Variants in HSP90B1 observed in about 807,000 individuals in gnomAD.
The protein encoded by HSP90B1 is heat shock protein 90 beta family member 1.
A neutral mutation model predicts 100.4 loss-of-function variants in HSP90B1; 27 were observed. The ratio of observed to expected loss-of-function variants is 0.27; its 90% confidence interval spans 0.20 to 0.37. HSP90B1 has a LOEUF of 0.37. Among genes scored for constraint, HSP90B1 ranks in the 10% least tolerant of loss-of-function variants. The probability of loss-of-function intolerance (pLI) is 1.00; values close to 1 mark genes in which losing one functional copy is unlikely to be tolerated. For synonymous variants in HSP90B1, 304 were observed against 330.8 expected, an observed-to-expected ratio of 0.92 and a Z score of 0.88; for missense variants, 678 against 960.5, an observed-to-expected ratio of 0.71 and a Z score of 3.89.
At chr12:103,940,975 T>C (rs1224766763) in intron 8 of HSP90B1, among the ~76,000 whole-genome samples, 1 of 152,172 alleles carries the variant, frequency 6.6e-6, no homozygotes, top group Non-Finnish European at 1.5e-5. Flanking sequence ...TACATCTTTG[T>C]AGCCACTCTT....
At chr12:103,942,349 C>T (rs1177457) in intron 11 of HSP90B1, among the ~76,000 whole-genome samples, 178 bp from the exon 12 acceptor site, 62,232 of 151,976 alleles carry the variant, frequency 0.41, 14,004 homozygotes, top group African/African-American at 0.59. Flanking sequence ...GCTATTTGCA[C>T]GGACAGCTGA....
Position 103,947,715 on chromosome 12 carries a change from T to G in HSP90B1, c.*53T>G, listed in dbSNP as rs202143765. On this transcript the variant is annotated 3_prime_UTR_variant, in exon 18 of 18. Transcript: ENST00000299767. ...GTGGAGAGGGAATGTGAAATTTACA[T>G]CATTTCTTTTTGGGAGAGACTTGTT... 2.7e-6 allele frequency: 4 copies of G among 1,467,780 alleles called. No homozygotes were observed. Among genetic ancestry groups the G allele is most frequent in the Non-Finnish European group, 3.8e-6 (4 of 1,047,216 alleles). 90.9% of individuals were successfully genotyped at this position (1,467,780 alleles called of 1,614,324 possible).
In HSP90B1 at chr12:103,943,732, C is replaced by A. The variant is rs1210530732; in HGVS notation, c.1891-6C>A. On this transcript the variant is annotated splice_polypyrimidine_tract_variant and splice_region_variant and intron_variant, in intron 13 of 17. Coordinates refer to ENST00000299767, the MANE Select transcript of HSP90B1 (RefSeq NM_003299.3). This position sits in a 1 kb window ranked among gnomAD's most constrained non-coding sequence, Gnocchi z 5.3. ...TAATTTATATGACTTGATTTCTTTC[C>A]CTAAGATTGAAAAGGCTGTGGTGTC... 6.2e-7 allele frequency: 1 copy of A among 1,610,504 alleles called. No homozygotes were observed. The highest frequency in any genetic ancestry group is 1.3e-5 in the African/African-American group (1 of 74,678).
rs1161213176 is a variant in HSP90B1 at position 103,942,721 on chromosome 12, C to T, written c.1569C>T (p.Ser523=). 4 of 1,613,670 alleles carry T rather than the reference C, an allele frequency of 2.5e-6. No individual in the cohort carries two copies. Among genetic ancestry groups the T allele is most frequent in the Non-Finnish European group, 3.4e-6 (4 of 1,179,624 alleles). Residue 523 remains serine, a synonymous_variant, in exon 12 of 18, where the codon AGC becomes AGT. Transcript: ENST00000299767. Reference sequence around the variant, plus strand: ...CTCATCATCCAACTGACATTACTAGCCTAGACCAGTATGTGGAAAGAATGA... The same window carrying T: ...CTCATCATCCAACTGACATTACTAGTCTAGACCAGTATGTGGAAAGAATGA... ...QSSHHPTDIT[S]LDQYVERMKE...
At position 103,944,006 on chromosome 12, in the gene HSP90B1, A is replaced by G. The variant is rs117577065; in HGVS notation, c.2027+132A>G. The G allele has an allele frequency of 7.1e-3, 5,224 of 737,794 alleles. 32 individuals are homozygous for G. The highest frequency in any genetic ancestry group is 9.4e-3 in the Non-Finnish European group (4,590 of 489,248). 45.7% of individuals were successfully genotyped at this position (737,794 alleles called of 1,614,324 possible). A position where few individuals can be genotyped will look rare whatever the true frequency, so the allele number is the denominator to read the frequency against. The stretch of plus-strand genomic sequence containing the variant: ...TACCACTGTCTACTATAAGGTAGAC[A>G]ACAAGTTTACGAAGGGATTTCTCCT... On this transcript the variant is annotated intron_variant, in intron 14 of 17. Coordinates refer to ENST00000299767, the MANE Select transcript of HSP90B1 (RefSeq NM_003299.3).
At chr12:103,932,684 T>C (rs1465077207) in intron 3 of HSP90B1, 142 bp from the exon 4 acceptor site, 1 of 677,564 alleles carries the variant, frequency 1.5e-6, no homozygotes, top group Non-Finnish European at 2.6e-6. Flanking sequence ...ACTTCTTGCA[T>C]TGCATACCTG....
At chr12:103,939,661 A>AGTATT (rs1255514190) in intron 8 of HSP90B1, 36 bp downstream of exon 8, 1 of 958,102 alleles carries the variant, frequency 1.0e-6, no homozygotes, top group Non-Finnish European at 1.6e-6. Flanking sequence ...CTGGTTATTA[A>AGTATT]TGAATAGACA....
At chr12:103,946,446 T>C (rs1566168577) in intron 14 of HSP90B1, among the ~76,000 whole-genome samples, 172 bp from the exon 15 acceptor site, 5 of 141,328 alleles carry the variant, frequency 3.5e-5, no homozygotes, top group African/African-American at 1.3e-4. Flanking sequence ...CTGTATTTAT[T>C]GGAAAAAAAA....
rs1235005436 is a variant in HSP90B1, at chr12:103,936,102, G to T, written c.744-1593G>T. On this transcript the variant is annotated intron_variant, in intron 5 of 17. Coordinates refer to ENST00000299767, the MANE Select transcript of HSP90B1 (RefSeq NM_003299.3). ...TCAGCCCTTTTCTCATTGTCCATGTGATCTTTATGTAGTCTTATCCACTGC... is the reference window on the plus strand; with the variant it reads ...TCAGCCCTTTTCTCATTGTCCATGTTATCTTTATGTAGTCTTATCCACTGC... Among the ~76,000 whole-genome samples the T allele has an allele frequency of 2.0e-5, 3 of 152,062 alleles. No homozygotes were observed. In the East Asian group the frequency reaches 5.8e-4, roughly 29 times the overall value.
chr12:103,933,925 T>C, intron 4 of HSP90B1, 31 bp from the exon 5 acceptor site: 1 of 1,550,164 alleles, frequency 6.5e-7, no homozygotes, highest in Non-Finnish European at 8.8e-7. Context: ...AAATATTAAA[T>C]ACAACTATCT....
At chr12:103,947,110 C>T (rs913815804) in intron 16 of HSP90B1, among the ~76,000 whole-genome samples, 169 bp downstream of exon 16, 5 of 152,216 alleles carry the variant, frequency 3.3e-5, no homozygotes, top group Non-Finnish European at 7.3e-5. Context: ...AGGCACTGCA[C>T]TAGAAACTAA....
chr12:103,947,379 C>T lies in HSP90B1; in HGVS notation c.2331C>T (p.Asp777=), dbSNP rs374034403. 3.3e-5 allele frequency: 53 copies of T among 1,609,138 alleles called. No homozygotes were observed. In the Admixed American group the frequency reaches 6.7e-4, roughly 20 times the overall value. ...ACACAACAGAAGACACAGAGCAAGACGAAGATGAAGAAATGGATGTGGGAA... is the reference window on the plus strand; with the variant it reads ...ACACAACAGAAGACACAGAGCAAGATGAAGATGAAGAAATGGATGTGGGAA... The part of the protein sequence containing the change: ...AEDTTEDTEQ[D]EDEEMDVGTD... The change falls in exon 17 of 18, where the codon GAC becomes GAT. Residue 777 remains aspartate (D), a synonymous_variant. Coordinates refer to ENST00000299767, the MANE Select transcript of HSP90B1 (RefSeq NM_003299.3).
At position 103,943,001 on chromosome 12, in the gene HSP90B1, C is replaced by A; in HGVS notation, c.1645-73C>A. 1 of 1,564,924 alleles carries A rather than the reference C, an allele frequency of 6.4e-7. No homozygotes were observed. Among genetic ancestry groups the A allele is most frequent in the Non-Finnish European group, 8.7e-7 (1 of 1,154,534 alleles). On this transcript the variant is annotated intron_variant, in intron 12 of 17. Transcript: ENST00000299767. The surrounding 1 kb of genome is among the most constrained non-coding windows in gnomAD (Gnocchi z 5.3). ...AATGGAGTTTTTAATAATGTATAAA[C>A]ATAGCAGCTGCTAGGATAAACAAAT...
At chr12:103,931,734 GTATTTAAA>G (rs1288456874) in intron 2 of HSP90B1, 111 bp downstream of exon 2, 1 of 775,908 alleles carries the variant, frequency 1.3e-6, no homozygotes, top group Non-Finnish European at 2.3e-6. Context: ...CTAACACCCT[GTATTTAAA>G]TACCCGGTGA....
At chr12:103,935,394 G>A (rs1028352860) in intron 5 of HSP90B1, among the ~76,000 whole-genome samples, 1 of 152,082 alleles carries the variant, frequency 6.6e-6, no homozygotes, top group African/African-American at 2.4e-5. Flanking sequence ...CTATTTCAGA[G>A]GTCAGTTGGC....
intron 8 of HSP90B1, among the ~76,000 whole-genome samples, chr12:103,941,112 G>A (rs1299070114): frequency 6.6e-6 from 1 of 152,114 alleles, no homozygotes; most frequent in Non-Finnish European, 1.5e-5. Context: ...TCTCTCATAC[G>A]TAAGAAGTAT....
Position 103,947,312 on chromosome 12 carries a change from T to C in HSP90B1, c.2264T>C (p.Val755Ala). The change falls in exon 17 of 18, where the codon GTG becomes GCG. Residue 755 changes from valine (V) to alanine (A), a missense_variant and splice_region_variant. Val to Ala is a moderately conservative substitution (Grantham distance 64). This residue lies in a region of HSP90B1 where 65 missense variants were observed against 65.1 expected (regional missense o/e 1.00). Transcript: ENST00000299767. Reference protein sequence around the residue: ...LSLNIDPDAKVEEEPEEEPEE... With the variant: ...LSLNIDPDAKAEEEPEEEPEE... ...TGGGCCCATAAATGTTGTGTTTAGG[T>C]GGAAGAAGAGCCCGAAGAAGAACCT... 6.3e-7 allele frequency: 1 copy of C among 1,593,566 alleles called. No individual in the cohort carries two copies. The highest frequency in any genetic ancestry group is 8.5e-7 in the Non-Finnish European group (1 of 1,173,280).
chr12:103,947,288 G>A (rs1395053565), intron 16 of HSP90B1, 23 bp from the exon 17 acceptor site: 1 of 1,560,616 alleles, frequency 6.4e-7, no homozygotes. Flanking sequence ...AGGCATTAAT[G>A]GGCCCATAAA....
chr12:103,946,925 T>C lies in HSP90B1; in HGVS notation c.2246T>C (p.Ile749Thr). 2 of 1,613,284 alleles carry C rather than the reference T, an allele frequency of 1.2e-6. No individual in the cohort carries two copies. The highest frequency in any genetic ancestry group is 1.7e-4 in the Middle Eastern group (1 of 6,060). Residue 749 changes from isoleucine (I) to threonine (T), a missense_variant, in exon 16 of 18, where the codon ATT (isoleucine) becomes ACT (threonine). This residue lies in a region of HSP90B1 where 65 missense variants were observed against 65.1 expected (regional missense o/e 1.00). Coordinates refer to ENST00000299767, the MANE Select transcript of HSP90B1 (RefSeq NM_003299.3). Reference protein sequence around the residue: ...IERMLRLSLNIDPDAKVEEEP... With the variant: ...IERMLRLSLNTDPDAKVEEEP... ...AGAATGCTTCGCCTCAGTTTGAACA[T>C]TGACCCTGATGCAAAGGTTTGTATC...
Sources: gnomAD v4.1 joint callset for allele counts (sites outside exome capture counted in the v4.1 genomes callset) on GRCh38, gnomAD v4.1.1 for gene constraint, gnomAD v4.1.1 regional missense constraint, Gnocchi (gnomAD v3.1) non-coding constraint, MANE v1.5 for transcripts, NCBI Gene and HGNC (gene_info 2026-07-23, HGNC 2026-07-21) for gene names.